Variants in TENM3 observed in about 807,000 individuals in gnomAD.
The protein encoded by TENM3 is teneurin transmembrane protein 3.
Under a neutral mutation model 255.1 loss-of-function variants are expected in TENM3, and 63 were observed. The observed-to-expected ratio is 0.25, with a 90% CI of 0.20 to 0.30. The LOEUF is 0.30. Ranked by LOEUF, TENM3 falls within the 10% of genes least tolerant of loss-of-function variation. The pLI is 1.00. For missense variants in TENM3, 2,929 were observed against 3,461.1 expected, an observed-to-expected ratio of 0.85 and a Z score of 3.86; for synonymous variants, 1,306 against 1,322.3, an observed-to-expected ratio of 0.99 and a Z score of 0.27.
intron 3 of TENM3, among the ~76,000 whole-genome samples, chr4:182,592,418 C>A (rs936022624): frequency 6.6e-6 from 1 of 152,190 alleles, no homozygotes; most frequent in Admixed American, 6.5e-5. Flanking sequence ...GCTCTGGCCA[C>A]TGTAGTTAAA....
At chr4:182,240,765 C>G (rs1757200778), upstream of TENM3, among the ~76,000 whole-genome samples, 1 of 152,098 alleles carries the variant, frequency 6.6e-6, no homozygotes, top group African/African-American at 2.4e-5. Flanking sequence ...ACCCAGAGAG[C>G]CTGGAGCAGG....
chr4:182,640,859 A>C (rs941376516), intron 5 of TENM3, among the ~76,000 whole-genome samples: 1 of 152,224 alleles, frequency 6.6e-6, no homozygotes, highest in Non-Finnish European at 1.5e-5. Flanking sequence ...ATGAAGAGGG[A>C]GCAAATGGAA....
At chr4:181,621,404 T>C in the TENM3 span, among the ~76,000 whole-genome samples, 1 of 152,228 alleles carries the variant, frequency 6.6e-6, no homozygotes, top group Non-Finnish European at 1.5e-5. Flanking sequence ...ATTTATTACA[T>C]AGAAGAGCAA....
chr4:181,827,799 A>T, the TENM3 span, among the ~76,000 whole-genome samples: 23 of 152,292 alleles, frequency 1.5e-4, no homozygotes, highest in African/African-American at 5.1e-4. Flanking sequence ...AGTCTTTTAT[A>T]GACAGAGCAG....
the TENM3 span, among the ~76,000 whole-genome samples, chr4:181,586,938 T>C: frequency 6.6e-6 from 1 of 152,196 alleles, no homozygotes; most frequent in Non-Finnish European, 1.5e-5. Context: ...AAGAATATTA[T>C]GTTAGGCTGT....
chr4:181,953,194 C>T, the TENM3 span, among the ~76,000 whole-genome samples: 2 of 152,036 alleles, frequency 1.3e-5, no homozygotes, highest in East Asian at 3.9e-4. Flanking sequence ...ATTTAATCCT[C>T]AATATAACTC....
At chr4:182,748,811 C>T (rs1305576954) in intron 19 of TENM3, among the ~76,000 whole-genome samples, 2 of 152,194 alleles carry the variant, frequency 1.3e-5, no homozygotes, top group African/African-American at 2.4e-5. Context: ...CGTAGACTCC[C>T]CCACATTTGT....
At chr4:182,671,315 T>C (rs1328792941) in intron 6 of TENM3, among the ~76,000 whole-genome samples, 1 of 152,032 alleles carries the variant, frequency 6.6e-6, no homozygotes, top group Non-Finnish European at 1.5e-5. Context: ...CCAAAACGGG[T>C]TTTCTTTATC....
the TENM3 span, among the ~76,000 whole-genome samples, chr4:181,743,833 CA>C: frequency 6.6e-6 from 1 of 152,060 alleles, no homozygotes; most frequent in Admixed American, 6.6e-5. Context: ...CTTTTAAGTT[CA>C]GGGGTACATG....
chr4:182,265,885 A>G (rs1040513268), intron 1 of TENM3, among the ~76,000 whole-genome samples: 2 of 152,276 alleles, frequency 1.3e-5, no homozygotes, highest in African/African-American at 4.8e-5. Flanking sequence ...TTTAAAAATT[A>G]TTGATAAAAT....
At chr4:181,839,168 G>T in the TENM3 span, among the ~76,000 whole-genome samples, 1 of 148,996 alleles carries the variant, frequency 6.7e-6, no homozygotes, top group Non-Finnish European at 1.5e-5. Context: ...TAAACATATG[G>T]GAAAGTTCTA....
chr4:182,612,387 C>T (rs1199684073), intron 4 of TENM3, among the ~76,000 whole-genome samples: 2 of 152,014 alleles, frequency 1.3e-5, no homozygotes, highest in African/African-American at 4.8e-5. Flanking sequence ...AAGGTGACAG[C>T]ATCACTGTCA....
chr4:181,883,126 C>CTTTTTTTTTTTTTTTTTTTTTTTTT, the TENM3 span, among the ~76,000 whole-genome samples: 9 of 106,680 alleles, frequency 8.4e-5, no homozygotes, highest in Non-Finnish European at 1.2e-4. Flanking sequence ...TGCAATTAAT[C>CTTTTTTTTTTTTTTTTTTTTTTTTT]TTTTTTTTTT....
rs962413894 is a variant in TENM3, at chr4:182,567,969, A to C, written c.512-32955A>C. On this transcript the variant is annotated intron_variant, in intron 3 of 27. Coordinates refer to ENST00000511685, the MANE Select transcript of TENM3 (RefSeq NM_001080477.4). ...TTTCTTCATAGAATGAATTGAATCAAAACTGGTAAAGTTGGAAAGTTGGTG... is the reference window on the plus strand; with the variant it reads ...TTTCTTCATAGAATGAATTGAATCACAACTGGTAAAGTTGGAAAGTTGGTG... Among the ~76,000 whole-genome samples the C allele has an allele frequency of 6.6e-5, 10 of 152,322 alleles. No individual in the cohort carries two copies. The East Asian group carries it at 1.9e-3, about 29-fold the overall frequency.
At chr4:181,718,273 G>A in the TENM3 span, among the ~76,000 whole-genome samples, 2 of 152,022 alleles carry the variant, frequency 1.3e-5, no homozygotes, top group Admixed American at 6.6e-5. Context: ...TTTTCTCCTC[G>A]GCATGAAACC....
At chr4:182,293,487 T>A (rs1400273891) in intron 1 of TENM3, among the ~76,000 whole-genome samples, 1 of 152,174 alleles carries the variant, frequency 6.6e-6, no homozygotes, top group African/African-American at 2.4e-5. Context: ...TTTCTCCTGC[T>A]CTTTCTTCCT....
intron 12 of TENM3, among the ~76,000 whole-genome samples, chr4:182,702,383 C>T (rs1165779912): frequency 6.6e-6 from 1 of 152,132 alleles, no homozygotes; most frequent in Non-Finnish European, 1.5e-5. Context: ...GACCCTGGGG[C>T]TTATGAAACC....
chr4:182,706,366 C>T lies in TENM3; in HGVS notation c.2222-7721C>T, dbSNP rs76377393. The stretch of plus-strand genomic sequence containing the variant: ...CCCCACAGGGTGGTGAAAATTAAAC[C>T]GGTTAATTCACATTAAATGCTTAGG... On this transcript the variant is annotated intron_variant, in intron 12 of 27. Transcript: ENST00000511685. Among the ~76,000 whole-genome samples the T allele has an allele frequency of 7.3e-3, 1,112 of 152,212 alleles. 36 individuals carry two copies. Among genetic ancestry groups the T allele is most frequent in the East Asian group, 0.052 (271 of 5,168 alleles).
chr4:182,079,653 C>T, the TENM3 span: 1 of 152,194 alleles, frequency 6.6e-6, no homozygotes, highest in Non-Finnish European at 1.5e-5. Context: ...GAGTTTAATA[C>T]ATAATTCAGA....
Sources: allele counts gnomAD v4.1 joint callset (sites outside exome capture counted in the v4.1 genomes callset), GRCh38; gene constraint gnomAD v4.1.1; transcripts MANE v1.5; gene names NCBI Gene and HGNC (gene_info 2026-07-23, HGNC 2026-07-21).